PPM1A: variants seen among roughly 807,000 people sequenced by gnomAD.
PPM1A encodes the protein protein phosphatase, Mg2+/Mn2+ dependent 1A, also known as protein phosphatase 1A.
In PPM1A, 7 loss-of-function variants were observed where a neutral mutation model predicts 35.0. That is an observed-to-expected ratio of 0.20 (90% CI 0.11 to 0.38). The LOEUF (loss-of-function observed/expected upper bound fraction) is 0.38, where lower values mean the gene tolerates loss of function less well. PPM1A is among the 10% of genes least tolerant of loss of function. The probability of loss-of-function intolerance (pLI) is 1.00; values close to 1 mark genes in which losing one functional copy is unlikely to be tolerated. For synonymous variants in PPM1A, 153 were observed against 167.3 expected, an observed-to-expected ratio of 0.91 and a Z score of 0.66; for missense variants, 239 against 467.8, an observed-to-expected ratio of 0.51 and a Z score of 4.51.
intron 1 of PPM1A, among the ~76,000 whole-genome samples, chr14:60,264,139 C>T (rs1233963506): frequency 1.3e-5 from 2 of 151,918 alleles, no homozygotes; most frequent in African/African-American, 4.8e-5. Context: ...TTGTAAATGT[C>T]CTTAGTTTTT....
Position 60,249,465 on chromosome 14 carries a change from G to A in PPM1A, c.-233G>A. The A allele has an allele frequency of 1.0e-6, 1 of 985,644 alleles. No homozygotes were observed. The highest frequency in any genetic ancestry group is 1.2e-6 in the Non-Finnish European group (1 of 830,500). 61.1% of individuals were successfully genotyped at this position (985,644 alleles called of 1,614,324 possible). A position where few individuals can be genotyped will look rare whatever the true frequency, so the allele number is the denominator to read the frequency against. ...TCTCTGCCTCCCTCTCCAACGCCCG[G>A]ATGATCTGAGCCGCGAGGGCGCCGA... On this transcript the variant is annotated 5_prime_UTR_variant, in exon 1 of 6. Transcript: ENST00000395076. This position sits in a 1 kb window ranked among gnomAD's most constrained non-coding sequence, Gnocchi z 4.5.
chr14:60,296,847 A>G lies in PPM1A; in HGVS notation c.*4365A>G. The G allele has an allele frequency of 3.2e-6, 1 of 311,738 alleles. No homozygotes were observed. The highest frequency in any genetic ancestry group is 5.9e-6 in the Non-Finnish European group (1 of 168,764). 19.3% of individuals were successfully genotyped at this position (311,738 alleles called of 1,614,324 possible). A position where few individuals can be genotyped will look rare whatever the true frequency, so the allele number is the denominator to read the frequency against. On this transcript the variant is annotated 3_prime_UTR_variant, in exon 6 of 6. Coordinates refer to ENST00000395076, the MANE Select transcript of PPM1A (RefSeq NM_021003.5). This position sits in a 1 kb window ranked among gnomAD's most constrained non-coding sequence, Gnocchi z 4.4. ...TTGGTTCCAATTCATTGTCAAATGAACGTTTTCTAATTTTGTTCACAGATT... is the reference window on the plus strand; with the variant it reads ...TTGGTTCCAATTCATTGTCAAATGAGCGTTTTCTAATTTTGTTCACAGATT...
In PPM1A at chr14:60,295,221, GTT is replaced by G. The variant is rs1887965792; in HGVS notation, c.*2742_*2743del. ...AATAACATTTTGTATAGCAGGCTCTGTTTTACCCTAACATTAAAAAATTTCAC... is the reference window on the plus strand; with the variant it reads ...AATAACATTTTGTATAGCAGGCTCTGTTACCCTAACATTAAAAAATTTCAC... On this transcript the variant is annotated 3_prime_UTR_variant, in exon 6 of 6. Transcript: ENST00000395076. 1 of 151,682 alleles carries G rather than the reference GTT, an allele frequency of 6.6e-6. No homozygotes were observed. Among genetic ancestry groups the G allele is most frequent in the African/African-American group, 2.4e-5 (1 of 41,382 alleles). 9.4% of individuals were successfully genotyped at this position (151,682 alleles called of 1,614,324 possible). A position where few individuals can be genotyped will look rare whatever the true frequency, so the allele number is the denominator to read the frequency against.
chr14:60,284,275 A>G (rs939947455), intron 2 of PPM1A, among the ~76,000 whole-genome samples: 2 of 152,220 alleles, frequency 1.3e-5, no homozygotes, highest in African/African-American at 4.8e-5. Context: ...GCTTACCTCT[A>G]TTAGTTTTGT....
rs1289229449 is a variant in PPM1A, at chr14:60,285,757, A to C, written c.952+16A>C. 4 of 1,602,472 alleles carry C rather than the reference A, an allele frequency of 2.5e-6. No homozygotes were observed. The highest frequency in any genetic ancestry group is 4.5e-5 in the East Asian group (2 of 44,838). ...AGAGTAGAAGGTGGATCATTTAACA[A>C]AAAATAAGTAGCTTTATTAAAGAAA... is the stretch of plus-strand genomic sequence containing the variant. On this transcript the variant is annotated intron_variant, in intron 3 of 5. Transcript: ENST00000395076.
chr14:60,258,773 A>G (rs1326616108), intron 1 of PPM1A, among the ~76,000 whole-genome samples: 15 of 152,118 alleles, frequency 9.9e-5, no homozygotes, highest in African/African-American at 3.4e-4. Flanking sequence ...AAGCCAAGGT[A>G]TAATGGCTGT....
upstream of PPM1A, among the ~76,000 whole-genome samples, chr14:60,247,093 T>C (rs1225694007): frequency 2.0e-5 from 3 of 152,330 alleles, no homozygotes; most frequent in South Asian, 2.1e-4. Context: ...GGTTGCCATA[T>C]GAGCTTTTGT....
In PPM1A at chr14:60,289,901, G is replaced by A; in HGVS notation, c.1048G>A (p.Glu350Lys). Residue 350 changes from glutamate to lysine, a missense_variant, in exon 4 of 6, where the codon GAA becomes AAA. Glu to Lys is a moderately conservative substitution (Grantham distance 56). Coordinates refer to ENST00000395076, the MANE Select transcript of PPM1A (RefSeq NM_021003.5). This position sits in a 1 kb window ranked among gnomAD's most constrained non-coding sequence, Gnocchi z 4.1. Reference protein sequence around the residue: ...ENIPSLPPGGELASKRNVIEA... With the variant: ...ENIPSLPPGGKLASKRNVIEA... The stretch of plus-strand genomic sequence containing the variant: ...CATCCCCAGCCTCCCACCAGGGGGT[G>A]AATTGGCAAGCAAGTAAGTTACATT... 6.3e-7 allele frequency: 1 copy of A among 1,583,228 alleles called. No homozygotes were observed. Among genetic ancestry groups the A allele is most frequent in the Non-Finnish European group, 8.5e-7 (1 of 1,170,412 alleles).
At chr14:60,257,392 C>T (rs901188596) in intron 1 of PPM1A, among the ~76,000 whole-genome samples, 3 of 152,102 alleles carry the variant, frequency 2.0e-5, no homozygotes, top group Admixed American at 6.5e-5. Flanking sequence ...TCTCCCTGTT[C>T]ATTTTCTGAT....
At position 60,282,622 on chromosome 14, in the gene PPM1A, T is replaced by G; in HGVS notation, c.-20-62T>G. ...TATCTCTTTCACTTATTAAAAAGAT[T>G]GTTTGGTACATATTTTGTTTATAAG... On this transcript the variant is annotated intron_variant, in intron 1 of 5. Coordinates refer to ENST00000395076, the MANE Select transcript of PPM1A (RefSeq NM_021003.5). This position sits in a 1 kb window ranked among gnomAD's most constrained non-coding sequence, Gnocchi z 5.1. 6.5e-7 allele frequency: 1 copy of G among 1,535,428 alleles called. No individual in the cohort carries two copies. The highest frequency in any genetic ancestry group is 1.3e-5 in the South Asian group (1 of 79,022).
At chr14:60,262,879 A>C (rs899784456) in intron 1 of PPM1A, among the ~76,000 whole-genome samples, 2 of 152,202 alleles carry the variant, frequency 1.3e-5, no homozygotes, top group Admixed American at 1.3e-4. Flanking sequence ...TAGTGCAATA[A>C]ATGTTAAACT....
chr14:60,250,970 T>C (rs958660013), intron 1 of PPM1A, among the ~76,000 whole-genome samples: 2 of 152,248 alleles, frequency 1.3e-5, no homozygotes, highest in African/African-American at 4.8e-5. Context: ...ATTTTACAAA[T>C]GAGAAAATTG....
chr14:60,269,217 A>G (rs1884773325), intron 1 of PPM1A, among the ~76,000 whole-genome samples: 1 of 152,164 alleles, frequency 6.6e-6, no homozygotes, highest in African/African-American at 2.4e-5. Flanking sequence ...TATTTCGACC[A>G]CAACAAAGTA....
At chr14:60,284,669 A>G (rs1362795849) in intron 2 of PPM1A, among the ~76,000 whole-genome samples, 2 of 146,310 alleles carry the variant, frequency 1.4e-5, no homozygotes, top group Non-Finnish European at 3.0e-5. Context: ...CTGTTGAGGA[A>G]TTAATGAGCG....
At chr14:60,275,960 A>G (rs1436808916) in intron 1 of PPM1A, among the ~76,000 whole-genome samples, 1 of 149,686 alleles carries the variant, frequency 6.7e-6, no homozygotes, top group Non-Finnish European at 1.5e-5. Context: ...ATTTATTACT[A>G]TTTCACATAG....
intron 3 of PPM1A, chr14:60,288,644 T>A: frequency 1.4e-6 from 1 of 692,116 alleles, no homozygotes; most frequent in Non-Finnish European, 1.8e-6. Context: ...GCCTTTATTC[T>A]AAAAGGACAG....
intron 4 of PPM1A, among the ~76,000 whole-genome samples, chr14:60,290,836 A>G (rs1285772842): frequency 2.6e-5 from 4 of 152,116 alleles, no homozygotes; most frequent in Non-Finnish European, 4.4e-5. Context: ...CTTCAAGTCA[A>G]TTTTGGAAGT....
intron 3 of PPM1A, chr14:60,286,107 T>C (rs1260830284): frequency 3.0e-6 from 3 of 989,348 alleles, no homozygotes; most frequent in Non-Finnish European, 3.6e-6. Flanking sequence ...TGGTGATAAT[T>C]TGAATACCAT....
At chr14:60,270,561 A>C (rs1884960801) in intron 1 of PPM1A, among the ~76,000 whole-genome samples, 1 of 152,120 alleles carries the variant, frequency 6.6e-6, no homozygotes, top group East Asian at 1.9e-4. Context: ...CTAGGATACC[A>C]TTACCTCTTT....
Sources: gnomAD v4.1 joint callset for allele counts (sites outside exome capture counted in the v4.1 genomes callset) on GRCh38, gnomAD v4.1.1 for gene constraint, Gnocchi (gnomAD v3.1) non-coding constraint, MANE v1.5 for transcripts, NCBI Gene and HGNC (gene_info 2026-07-23, HGNC 2026-07-21) for gene names.